PREP: variants seen among roughly 807,000 people sequenced by gnomAD.
PREP encodes the protein dJ355L5.1 (prolyl endopeptidase).
A neutral mutation model predicts 87.6 loss-of-function variants in PREP; 29 were observed. That is an observed-to-expected ratio of 0.33 (90% confidence interval 0.25 to 0.45). The LOEUF is 0.45. Ranked by LOEUF, PREP falls within the 20% of genes least tolerant of loss-of-function variation. PREP has a pLI of 1.00. For synonymous variants in PREP, 337 were observed against 328.6 expected, an observed-to-expected ratio of 1.03 and a Z score of -0.28; for missense variants, 695 against 886.5, an observed-to-expected ratio of 0.78 and a Z score of 2.74.
At position 105,274,228 on chromosome 6, in the gene PREP, A is replaced by C. The variant is rs1372333288; in HGVS notation, c.*3916T>G. Among the ~76,000 whole-genome samples, 1 of 151,830 alleles carries C rather than the reference A, an allele frequency of 6.6e-6. No homozygotes were observed. Among genetic ancestry groups the C allele is most frequent in the Non-Finnish European group, 1.5e-5 (1 of 67,970 alleles). On this transcript the variant is annotated 3_prime_UTR_variant, in exon 15 of 15. Coordinates refer to ENST00000652536, the MANE Select transcript of PREP (RefSeq NM_002726.5). Reference sequence around the variant, plus strand: ...CAAGGCACTGGCAGATTTGGTGTCTAATGAGGGTTGCTTCCTGGTTCATAG... The same window carrying C: ...CAAGGCACTGGCAGATTTGGTGTCTCATGAGGGTTGCTTCCTGGTTCATAG...
intron 2 of PREP, among the ~76,000 whole-genome samples, chr6:105,385,283 TAAA>T (rs11354337): frequency 1.6e-5 from 2 of 122,638 alleles, no homozygotes; most frequent in African/African-American, 3.1e-5. Context: ...AGATCTGCTT[TAAA>T]AAAAAAAAAA....
At chr6:105,356,103 A>T (rs900227637) in intron 6 of PREP, among the ~76,000 whole-genome samples, 1 of 149,590 alleles carries the variant, frequency 6.7e-6, no homozygotes, top group African/African-American at 2.5e-5. Context: ...TTCTTTTTTA[A>T]TAACTATTTA....
At chr6:105,343,647 C>T (rs1771719622) in intron 7 of PREP, among the ~76,000 whole-genome samples, 2 of 151,424 alleles carry the variant, frequency 1.3e-5, no homozygotes, top group Admixed American at 6.6e-5. Context: ...GGGCTAATAT[C>T]TAGAATCTAC....
chr6:105,340,893 G>C (rs994896534), intron 7 of PREP, among the ~76,000 whole-genome samples: 2 of 152,174 alleles, frequency 1.3e-5, no homozygotes, highest in Non-Finnish European at 2.9e-5. Flanking sequence ...CATAAAGCAA[G>C]TCCTTAGAGA....
At chr6:105,335,785 C>T (rs1045311351) in intron 7 of PREP, among the ~76,000 whole-genome samples, 4 of 151,810 alleles carry the variant, frequency 2.6e-5, no homozygotes, top group African/African-American at 7.3e-5. Flanking sequence ...CCCAGCTACT[C>T]GGGAGGCTGA....
chr6:105,299,313 C>G (rs906306785), intron 10 of PREP, among the ~76,000 whole-genome samples: 1 of 152,150 alleles, frequency 6.6e-6, no homozygotes, highest in Non-Finnish European at 1.5e-5. Flanking sequence ...AGATACCTGC[C>G]AAGGGTTGGG....
At chr6:105,390,338 G>C (rs1773107823) in intron 2 of PREP, among the ~76,000 whole-genome samples, 1 of 152,130 alleles carries the variant, frequency 6.6e-6, no homozygotes, top group South Asian at 2.1e-4. Flanking sequence ...TTTTCAGAAG[G>C]AACGAATATA....
At chr6:105,299,484 A>C (rs1263288286) in intron 10 of PREP, among the ~76,000 whole-genome samples, 7 of 152,206 alleles carry the variant, frequency 4.6e-5, no homozygotes, top group Non-Finnish European at 8.8e-5. Context: ...CTGTAGTCCC[A>C]GCTATTCAGG....
At chr6:105,392,568 A>G (rs991260589) in intron 2 of PREP, among the ~76,000 whole-genome samples, 3 of 151,814 alleles carry the variant, frequency 2.0e-5, no homozygotes, top group Non-Finnish European at 2.9e-5. Context: ...ACCAGTTTTT[A>G]CAAATGTAGT....
At chr6:105,399,552 C>A (rs1004206497) in intron 1 of PREP, among the ~76,000 whole-genome samples, 6 of 152,186 alleles carry the variant, frequency 3.9e-5, no homozygotes, top group Non-Finnish European at 8.8e-5. Flanking sequence ...CGACTAAAGC[C>A]TCTCCAGATG....
intron 10 of PREP, among the ~76,000 whole-genome samples, chr6:105,309,344 T>C (rs1770712213): frequency 1.3e-5 from 2 of 152,136 alleles, no homozygotes; most frequent in Admixed American, 1.3e-4. Flanking sequence ...GCATCAAGAA[T>C]GATATAAATC....
chr6:105,333,284 G>A (rs757274506), intron 8 of PREP, 30 bp downstream of exon 8: 10 of 1,588,404 alleles, frequency 6.3e-6, no homozygotes, highest in South Asian at 1.1e-5. Flanking sequence ...AAAAACAAGA[G>A]CACAATTTTC....
At position 105,368,927 on chromosome 6, in the gene PREP, T is replaced by A. The variant is rs1772466135; in HGVS notation, c.693A>T (p.Glu231Asp). The A allele has an allele frequency of 6.2e-7, 1 of 1,614,040 alleles. No homozygotes were observed. Among genetic ancestry groups the A allele is most frequent in the African/African-American group, 1.3e-5 (1 of 75,042 alleles). The change falls in exon 6 of 15, where the codon GAA becomes GAT. Residue 231 changes from glutamate (E) to aspartate (D), a missense_variant. Physicochemically the swap from Glu to Asp is conservative, Grantham distance 45. Transcript: ENST00000652536. ...EDILCAEFPD[E>D]PKWMGGAELS... ...CCTCAGCTCCACCCATCCATTTAGGTTCATCAGGAAACTCAGCACACAAAA... is the reference window on the plus strand; with the variant it reads ...CCTCAGCTCCACCCATCCATTTAGGATCATCAGGAAACTCAGCACACAAAA...
At chr6:105,373,681 T>C (rs1480271273) in intron 4 of PREP, 103 bp from the exon 5 acceptor site, 2 of 1,164,196 alleles carry the variant, frequency 1.7e-6, no homozygotes, top group African/African-American at 3.1e-5. Flanking sequence ...GGAGGTAGAA[T>C]GTGGCAATAA....
intron 14 of PREP, 154 bp downstream of exon 14, chr6:105,281,592 A>C: frequency 1.1e-6 from 1 of 921,864 alleles, no homozygotes; most frequent in Non-Finnish European, 1.6e-6. Flanking sequence ...TATTAAATCA[A>C]GAAAGACAAG....
At chr6:105,357,263 A>G (rs542207398) in intron 6 of PREP, among the ~76,000 whole-genome samples, 6 of 152,308 alleles carry the variant, frequency 3.9e-5, no homozygotes, top group African/African-American at 1.4e-4. Flanking sequence ...GCTTACATCA[A>G]TCATAAATGA....
chr6:105,347,256 C>T (rs972093933), intron 7 of PREP, among the ~76,000 whole-genome samples: 3 of 152,216 alleles, frequency 2.0e-5, no homozygotes, highest in African/African-American at 4.8e-5. Flanking sequence ...CTCCCTCAAA[C>T]TGATGATATC....
intron 10 of PREP, among the ~76,000 whole-genome samples, chr6:105,310,048 A>AT (rs1398604070): frequency 2.6e-5 from 4 of 152,216 alleles, no homozygotes; most frequent in East Asian, 1.9e-4. Context: ...ATTAAGATTG[A>AT]TTTTTTTATA....
chr6:105,398,006 A>C, intron 1 of PREP, 79 bp from the exon 2 acceptor site: 1 of 1,155,150 alleles, frequency 8.7e-7, no homozygotes, highest in Non-Finnish European at 1.3e-6. Context: ...TGTAATGGAG[A>C]AATAGGAAAG....
Sources: allele counts gnomAD v4.1 joint callset (sites outside exome capture counted in the v4.1 genomes callset), GRCh38; gene constraint gnomAD v4.1.1; transcripts MANE v1.5; gene names NCBI Gene and HGNC (gene_info 2026-07-23, HGNC 2026-07-21).